Variants in UBE2E2 observed in about 807,000 individuals in gnomAD.
UBE2E2 encodes the protein ubiquitin conjugating enzyme E2 E2.
UBE2E2 carries 6 observed loss-of-function variants against 24.7 expected under a neutral mutation model. The ratio of observed to expected loss-of-function variants is 0.24; its 90% CI spans 0.13 to 0.48. UBE2E2 has a LOEUF of 0.48. Among genes scored for constraint, UBE2E2 ranks in the 20% least tolerant of loss-of-function variants. The pLI is 0.99. For missense variants in UBE2E2, 169 were observed against 245.0 expected, an observed-to-expected ratio of 0.69 and a Z score of 2.07; for synonymous variants, 104 against 83.6, an observed-to-expected ratio of 1.24 and a Z score of -1.33.
chr3:23,381,327 A>G (rs1696665336), intron 3 of UBE2E2, among the ~76,000 whole-genome samples: 1 of 152,220 alleles, frequency 6.6e-6, no homozygotes, highest in African/African-American at 2.4e-5. Context: ...CCTGGCAACA[A>G]AGTTAGAAAA....
chr3:23,422,957 GAGTT>G (rs1468489450), intron 3 of UBE2E2, among the ~76,000 whole-genome samples: 1 of 152,142 alleles, frequency 6.6e-6, no homozygotes, highest in African/African-American at 2.4e-5. Context: ...GTTCACAGCT[GAGTT>G]ATCACCTTCC....
intron 5 of UBE2E2, among the ~76,000 whole-genome samples, chr3:23,577,670 A>G (rs1696374969): frequency 1.3e-5 from 2 of 152,236 alleles, no homozygotes; most frequent in Admixed American, 1.3e-4. Context: ...AAGATAATTG[A>G]TGAAGGTGGC....
At chr3:23,406,409 C>T (rs1210086105) in intron 3 of UBE2E2, among the ~76,000 whole-genome samples, 1 of 152,126 alleles carries the variant, frequency 6.6e-6, no homozygotes, top group East Asian at 1.9e-4. Flanking sequence ...CCTCCATTTG[C>T]CAGTCTGTAA....
rs181830929 is a variant in UBE2E2, at chr3:23,451,332, A to G, written c.228-48276A>G. 4.3e-4 allele frequency among the ~76,000 whole-genome samples: 65 copies of G among 152,336 alleles called. No individual in the cohort carries two copies. The Middle Eastern group carries it at 0.01, about 24-fold the overall frequency. ...CATCTAAAATAAGAATTCTTAGATC[A>G]GTAATAGAGGTAGTACTTACCTAAG... On this transcript the variant is annotated intron_variant, in intron 3 of 5. Transcript: ENST00000396703.
At position 23,584,072 on chromosome 3, in the gene UBE2E2, A is replaced by G. The variant is rs949735621; in HGVS notation, c.509-5662A>G. Among the ~76,000 whole-genome samples the G allele has an allele frequency of 2.0e-5, 3 of 152,114 alleles. No individual in the cohort carries two copies. The South Asian group carries it at 6.2e-4, about 32-fold the overall frequency. On this transcript the variant is annotated intron_variant, in intron 5 of 5. Transcript: ENST00000396703. ...TGTGGGTTTTTCATAGAGGGCTCTT[A>G]TTATTTTGAAGTATGTTCCTTCAGT...
intron 3 of UBE2E2, among the ~76,000 whole-genome samples, chr3:23,437,975 T>C (rs906539837): frequency 6.6e-6 from 1 of 152,208 alleles, no homozygotes; most frequent in Non-Finnish European, 1.5e-5. Flanking sequence ...GATCAGTTAC[T>C]GGAAATGACC....
intron 3 of UBE2E2, among the ~76,000 whole-genome samples, chr3:23,399,145 A>G (rs544298274): frequency 4.6e-4 from 70 of 152,312 alleles, no homozygotes; most frequent in African/African-American, 1.5e-3. Context: ...TTTCATAGAT[A>G]GAACATCGTT....
intron 3 of UBE2E2, among the ~76,000 whole-genome samples, chr3:23,408,192 G>A (rs1033976293): frequency 6.6e-6 from 1 of 152,064 alleles, no homozygotes; most frequent in African/African-American, 2.4e-5. Flanking sequence ...AAAAGAATAA[G>A]TTCACTTATT....
chr3:23,221,448 C>T (rs962584823), intron 3 of UBE2E2, among the ~76,000 whole-genome samples: 2 of 152,164 alleles, frequency 1.3e-5, no homozygotes, highest in South Asian at 2.1e-4. Flanking sequence ...CACTCCTTCC[C>T]CATTTTCCCC....
In UBE2E2 at chr3:23,561,646, T is replaced by A. The variant is rs1490613711; in HGVS notation, c.509-28088T>A. 2.6e-5 allele frequency among the ~76,000 whole-genome samples: 4 copies of A among 151,580 alleles called. No homozygotes were observed. In the South Asian group the frequency reaches 8.4e-4, roughly 32 times the overall value. ...AGCTTGATGGGGATGGCATTGAATC[T>A]ATAAATTACCTTGGGCAGTGTGGCC... On this transcript the variant is annotated intron_variant, in intron 5 of 5. Transcript: ENST00000396703.
At position 23,562,807 on chromosome 3, in the gene UBE2E2, A is replaced by T. The variant is rs905172979; in HGVS notation, c.509-26927A>T. Among the ~76,000 whole-genome samples, 34 of 152,060 alleles carry T rather than the reference A, an allele frequency of 2.2e-4. No homozygotes were observed. In the South Asian group the frequency reaches 4.0e-3, roughly 18 times the overall value. ...CCTGGTTTAGTCTTGGGAGGGTGTA[A>T]GTGTCCAGGAATTTATCCATTTCTT... On this transcript the variant is annotated intron_variant, in intron 5 of 5. Coordinates refer to ENST00000396703, the MANE Select transcript of UBE2E2 (RefSeq NM_152653.4).
chr3:23,406,080 A>C (rs1244550342), intron 3 of UBE2E2, among the ~76,000 whole-genome samples: 1 of 152,262 alleles, frequency 6.6e-6, no homozygotes, highest in Non-Finnish European at 1.5e-5. Flanking sequence ...TAGCCTGAGT[A>C]TAAAACTGGG....
chr3:23,404,320 C>T (rs1323491010), intron 3 of UBE2E2, among the ~76,000 whole-genome samples: 2 of 152,174 alleles, frequency 1.3e-5, no homozygotes, highest in African/African-American at 4.8e-5. Flanking sequence ...GTTGCTCCCT[C>T]TCTGCCTCCA....
rs146418432 is a variant in UBE2E2 at position 23,568,545 on chromosome 3, C to G, written c.509-21189C>G. Among the ~76,000 whole-genome samples the G allele has an allele frequency of 1.9e-3, 289 of 150,526 alleles. 4 individuals are homozygous for G. Among genetic ancestry groups the G allele is most frequent in the East Asian group, 0.015 (79 of 5,130 alleles). Reference sequence around the variant, plus strand: ...TCCATTTAAAGAGAATTTATTTTCTCTGGCTGGCAGAAACAAACGCTTGTA... The same window carrying G: ...TCCATTTAAAGAGAATTTATTTTCTGTGGCTGGCAGAAACAAACGCTTGTA... On this transcript the variant is annotated intron_variant, in intron 5 of 5. Transcript: ENST00000396703.
At chr3:23,552,919 A>G (rs1340044512) in intron 5 of UBE2E2, among the ~76,000 whole-genome samples, 1 of 152,196 alleles carries the variant, frequency 6.6e-6, no homozygotes, top group African/African-American at 2.4e-5. Flanking sequence ...AGCAAAATTA[A>G]TTTTGCAAAA....
chr3:23,226,691 A>G (rs1359892741), intron 3 of UBE2E2, among the ~76,000 whole-genome samples: 4 of 152,192 alleles, frequency 2.6e-5, no homozygotes, highest in African/African-American at 7.2e-5. Flanking sequence ...TTCTTGGGAC[A>G]GTGAGTTTAA....
At chr3:23,447,536 C>T (rs1698463616) in intron 3 of UBE2E2, among the ~76,000 whole-genome samples, 1 of 152,144 alleles carries the variant, frequency 6.6e-6, no homozygotes, top group African/African-American at 2.4e-5. Flanking sequence ...AGATACACTA[C>T]CTCAACAATG....
rs138019975 is a variant in UBE2E2 at position 23,558,942 on chromosome 3, T to C, written c.508+26241T>C. Among the ~76,000 whole-genome samples, 64 of 152,304 alleles carry C rather than the reference T, an allele frequency of 4.2e-4. No individual in the cohort carries two copies. The East Asian group carries it at 0.011, about 26-fold the overall frequency. On this transcript the variant is annotated intron_variant, in intron 5 of 5. Transcript: ENST00000396703. ...AACTGATCTGAGTGCTAAAAATAAA[T>C]TGTATAGACACCTTTATTCCCATAA...
At chr3:23,522,849 C>G (rs1694900662) in intron 4 of UBE2E2, among the ~76,000 whole-genome samples, 2 of 151,594 alleles carry the variant, frequency 1.3e-5, no homozygotes, top group African/African-American at 4.9e-5. Context: ...GATGCAAATG[C>G]AAAACATTCC....
Sources: allele counts gnomAD v4.1 joint callset (sites outside exome capture counted in the v4.1 genomes callset), GRCh38; gene constraint gnomAD v4.1.1; transcripts MANE v1.5; gene names NCBI Gene and HGNC (gene_info 2026-07-23, HGNC 2026-07-21).